The following ARHGAP26 variants were observed in gnomAD, a reference collection of about 807,000 sequenced individuals.
The protein encoded by ARHGAP26 is rho GTPase-activating protein 26.
Under a neutral mutation model 104.8 loss-of-function variants are expected in ARHGAP26, and 38 were observed. The observed-to-expected ratio is 0.36, with a 90% CI of 0.28 to 0.48. The LOEUF is 0.48. Ranked by LOEUF, ARHGAP26 falls within the 20% of genes least tolerant of loss-of-function variation. The probability of loss-of-function intolerance (pLI) is 0.99; values close to 1 mark genes in which losing one functional copy is unlikely to be tolerated. For synonymous variants in ARHGAP26, 341 were observed against 340.0 expected (o/e 1.00, Z -0.03); for missense variants, 704 against 947.9 (o/e 0.74, Z 3.38).
At chr5:142,873,313 A>T in intron 1 of ARHGAP26, 87 bp from the exon 2 acceptor site, 1 of 924,544 alleles carries the variant, frequency 1.1e-6, no homozygotes, top group Non-Finnish European at 1.6e-6. Context: ...CTCCTAAGAT[A>T]TTCCTAGAAG....
Position 143,228,232 on chromosome 5 carries a change from T to C in ARHGAP26, c.*5786T>C, listed in dbSNP as rs145722567. 2.6e-3 allele frequency: 584 copies of C among 224,368 alleles called. 1 individual carries two copies. Among genetic ancestry groups the C allele is most frequent in the South Asian group, 0.013 (73 of 5,456 alleles). 13.9% of individuals were successfully genotyped at this position (224,368 alleles called of 1,614,324 possible). On this transcript the variant is annotated 3_prime_UTR_variant, in exon 23 of 23. Transcript: ENST00000645722. ...ATGCACATCTGTTGATTCTAAAGTATATTTATGTGTGTGTGTATGTGTGTG... is the reference window on the plus strand; with the variant it reads ...ATGCACATCTGTTGATTCTAAAGTACATTTATGTGTGTGTGTATGTGTGTG...
intron 11 of ARHGAP26, chr5:143,010,843 T>C (rs1285180039): frequency 6.6e-6 from 1 of 152,196 alleles, no homozygotes; most frequent in Non-Finnish European, 1.5e-5. Flanking sequence ...CAGCTATAAA[T>C]AGAAGCAAGG....
intron 1 of ARHGAP26, among the ~76,000 whole-genome samples, chr5:142,864,649 C>T (rs1244902802): frequency 6.6e-6 from 1 of 152,228 alleles, no homozygotes; most frequent in Non-Finnish European, 1.5e-5. Context: ...ATTCTCCTTT[C>T]TCCAACCTGC....
chr5:142,998,230 C>A (rs1016198961), intron 11 of ARHGAP26, among the ~76,000 whole-genome samples: 1 of 151,840 alleles, frequency 6.6e-6, no homozygotes, highest in Non-Finnish European at 1.5e-5. Context: ...TTATATATTC[C>A]TTTTATGTTA....
At chr5:142,919,079 T>C (rs115158762) in intron 10 of ARHGAP26, 13,705 of 397,130 alleles carry the variant, frequency 0.035, 271 homozygotes, top group Middle Eastern at 0.083. Flanking sequence ...GCCAAAATCA[T>C]ATGCTGAAGT....
chr5:143,133,119 A>G (rs1367876684), intron 18 of ARHGAP26, among the ~76,000 whole-genome samples: 1 of 152,232 alleles, frequency 6.6e-6, no homozygotes, highest in African/African-American at 2.4e-5. Flanking sequence ...AAAGTCTGCC[A>G]TACTTTTATC....
At chr5:142,886,152 C>T (rs1289076006) in intron 5 of ARHGAP26, among the ~76,000 whole-genome samples, 1 of 152,164 alleles carries the variant, frequency 6.6e-6, no homozygotes, top group African/African-American at 2.4e-5. Flanking sequence ...TTAAAAATGT[C>T]ATCTTATTTA....
chr5:142,874,476 T>G (rs1320111118), intron 2 of ARHGAP26, among the ~76,000 whole-genome samples: 1 of 152,214 alleles, frequency 6.6e-6, no homozygotes, highest in Non-Finnish European at 1.5e-5. Context: ...AACTTGTGAA[T>G]GTATGGCTGC....
intron 20 of ARHGAP26, among the ~76,000 whole-genome samples, chr5:143,155,245 A>G (rs1427333133): frequency 2.0e-5 from 3 of 152,150 alleles, no homozygotes; most frequent in Non-Finnish European, 4.4e-5. Context: ...TTTCTTGGAC[A>G]TGCCAGATAC....
intron 12 of ARHGAP26, among the ~76,000 whole-genome samples, chr5:143,032,398 C>G (rs978574383): frequency 1.3e-5 from 2 of 152,160 alleles, no homozygotes; most frequent in Non-Finnish European, 2.9e-5. Context: ...TAATGCAAGC[C>G]TAGTAGATAT....
intron 1 of ARHGAP26, chr5:142,867,847 C>T (rs1754593632): frequency 6.6e-6 from 1 of 152,122 alleles, no homozygotes; most frequent in African/African-American, 2.4e-5. Flanking sequence ...GAGAGTTTGT[C>T]CTAACTTACC....
intron 11 of ARHGAP26, among the ~76,000 whole-genome samples, chr5:142,956,516 G>A (rs747520411): frequency 2.0e-5 from 3 of 152,160 alleles, no homozygotes; most frequent in Non-Finnish European, 2.9e-5. Context: ...GTTCGAGGCT[G>A]CAGCGAGCTA....
At chr5:143,046,964 A>G (rs1366769844) in intron 14 of ARHGAP26, among the ~76,000 whole-genome samples, 1 of 152,248 alleles carries the variant, frequency 6.6e-6, no homozygotes, top group Non-Finnish European at 1.5e-5. Flanking sequence ...ATAGTATACT[A>G]AAACAGTATG....
intron 1 of ARHGAP26, among the ~76,000 whole-genome samples, chr5:142,785,240 C>G (rs1246777315): frequency 3.3e-5 from 5 of 152,192 alleles, no homozygotes; most frequent in Admixed American, 3.3e-4. Flanking sequence ...AAGTGTGGCA[C>G]TCTCCTATCT....
intron 17 of ARHGAP26, among the ~76,000 whole-genome samples, chr5:143,106,156 A>C (rs950657801): frequency 6.6e-6 from 1 of 152,194 alleles, no homozygotes; most frequent in East Asian, 1.9e-4. Context: ...ATGCTGGTAC[A>C]TAGCAACAGG....
intron 20 of ARHGAP26, among the ~76,000 whole-genome samples, chr5:143,178,547 AG>A (rs1803836410): frequency 6.6e-6 from 1 of 152,170 alleles, no homozygotes; most frequent in Non-Finnish European, 1.5e-5. Flanking sequence ...TCCTCCAGGG[AG>A]CCTTCCCTGC....
intron 8 of ARHGAP26, among the ~76,000 whole-genome samples, chr5:142,905,872 C>T (rs561577036): frequency 3.3e-4 from 51 of 152,244 alleles, no homozygotes; most frequent in African/African-American, 1.2e-3. Flanking sequence ...AACTACAGTC[C>T]GTATTCCAGT....
chr5:143,190,184 A>G (rs1805741103), intron 20 of ARHGAP26, among the ~76,000 whole-genome samples: 1 of 152,242 alleles, frequency 6.6e-6, no homozygotes, highest in African/African-American at 2.4e-5. Context: ...GCAGACAGAC[A>G]GGTGGTTTCT....
intron 14 of ARHGAP26, among the ~76,000 whole-genome samples, chr5:143,047,990 G>A (rs1784452819): frequency 6.6e-6 from 1 of 151,904 alleles, no homozygotes; most frequent in African/African-American, 2.4e-5. Flanking sequence ...GGGATTATAG[G>A]TGCATGCCCC....
Sources: allele counts gnomAD v4.1 joint callset (sites outside exome capture counted in the v4.1 genomes callset), GRCh38; gene constraint gnomAD v4.1.1; transcripts MANE v1.5; gene names NCBI Gene and HGNC (gene_info 2026-07-23, HGNC 2026-07-21).